UPP2: variants seen among roughly 807,000 people sequenced by gnomAD.
UPP2 encodes uridine phosphorylase 2.
Under a neutral mutation model 26.7 loss-of-function variants are expected in UPP2, and 23 were observed. The ratio of observed to expected loss-of-function variants is 0.86; its 90% confidence interval spans 0.62 to 1.22. UPP2 has a LOEUF of 1.22. Ranked by LOEUF, UPP2 falls within the 50% of genes most tolerant of loss-of-function variation. UPP2 has a pLI of 0.00. For missense variants in UPP2, 387 were observed against 396.7 expected (o/e 0.98, Z 0.21); for synonymous variants, 127 against 141.3 (o/e 0.90, Z 0.72).
chr2:158,001,957 CA>C (rs200818827), intron 2 of UPP2, among the ~76,000 whole-genome samples: 1,434 of 65,330 alleles, frequency 0.022, 3 homozygotes, highest in African/African-American at 0.058. Context: ...GAATGAGCAC[CA>C]AAAAAAAAAA....
chr2:158,009,689 A>T (rs1197425735), intron 2 of UPP2, among the ~76,000 whole-genome samples: 1 of 152,198 alleles, frequency 6.6e-6, no homozygotes, highest in Non-Finnish European at 1.5e-5. Context: ...CGCAGACTGG[A>T]CTGTGCCCTA....
intron 3 of UPP2, among the ~76,000 whole-genome samples, chr2:158,077,423 T>C (rs934166323): frequency 1.3e-5 from 2 of 152,086 alleles, no homozygotes; most frequent in African/African-American, 4.8e-5. Flanking sequence ...CAAAACAGCA[T>C]GGTACTGCCA....
intron 3 of UPP2, among the ~76,000 whole-genome samples, chr2:158,083,032 C>T (rs765394382): frequency 8.5e-5 from 13 of 152,066 alleles, no homozygotes; most frequent in Non-Finnish European, 1.5e-4. Flanking sequence ...GTTAGAATGG[C>T]GATTATTAAA....
At chr2:158,028,779 G>T (rs1489016698) in intron 3 of UPP2, among the ~76,000 whole-genome samples, 1 of 152,180 alleles carries the variant, frequency 6.6e-6, no homozygotes, top group Non-Finnish European at 1.5e-5. Flanking sequence ...GGAGGCAAAA[G>T]GCACTTCTTA....
chr2:158,120,707 G>A (rs1169337782), intron 4 of UPP2, among the ~76,000 whole-genome samples: 4 of 151,978 alleles, frequency 2.6e-5, no homozygotes, highest in African/African-American at 9.7e-5. Context: ...ACCTATCTGT[G>A]TTGCCTTTTA....
intron 3 of UPP2, among the ~76,000 whole-genome samples, chr2:158,068,637 G>A (rs990213109): frequency 1.4e-4 from 21 of 150,900 alleles, no homozygotes; most frequent in African/African-American, 5.1e-4. Flanking sequence ...AGGACCACAC[G>A]CTCAGATGCT....
chr2:158,114,492 C>G (rs942710427), intron 2 of UPP2, among the ~76,000 whole-genome samples: 12 of 152,280 alleles, frequency 7.9e-5, no homozygotes, highest in African/African-American at 2.9e-4. Flanking sequence ...AAAACAAAAA[C>G]AAAAATAAAT....
At chr2:158,114,374 T>TA (rs147460881) in intron 2 of UPP2, among the ~76,000 whole-genome samples, 3,723 of 152,312 alleles carry the variant, frequency 0.024, 125 homozygotes, top group African/African-American at 0.074. Context: ...AGGGTACCCC[T>TA]AAACAGACTG....
intron 3 of UPP2, among the ~76,000 whole-genome samples, chr2:158,035,456 G>A (rs1023430082): frequency 3.9e-5 from 6 of 152,148 alleles, no homozygotes; most frequent in African/African-American, 1.4e-4. Flanking sequence ...GCCCGGCCAA[G>A]GATCAGAATA....
chr2:158,067,443 G>C (rs982053441), intron 3 of UPP2, among the ~76,000 whole-genome samples: 3 of 151,466 alleles, frequency 2.0e-5, no homozygotes, highest in Admixed American at 2.0e-4. Flanking sequence ...TGAAGACAAA[G>C]AAAGACAAAT....
chr2:158,058,868 A>G (rs1285335853), intron 3 of UPP2, among the ~76,000 whole-genome samples: 1 of 152,194 alleles, frequency 6.6e-6, no homozygotes, highest in Non-Finnish European at 1.5e-5. Context: ...TGGGAAGCTG[A>G]GAGGGAGAAG....
chr2:158,078,997 TCCCATATA>T (rs1420688350), intron 3 of UPP2, among the ~76,000 whole-genome samples: 1 of 152,092 alleles, frequency 6.6e-6, no homozygotes, highest in Non-Finnish European at 1.5e-5. Flanking sequence ...GGGGGCAGTT[TCCCATATA>T]CTGTTTTCAT....
intron 3 of UPP2, among the ~76,000 whole-genome samples, chr2:158,071,908 G>A (rs13384407): frequency 4.6e-5 from 7 of 152,152 alleles, no homozygotes; most frequent in East Asian, 3.9e-4. Flanking sequence ...CAGCTGCAGC[G>A]ACTACTATGA....
intron 3 of UPP2, among the ~76,000 whole-genome samples, chr2:158,017,082 A>C (rs924002288): frequency 6.6e-6 from 1 of 152,194 alleles, no homozygotes; most frequent in Non-Finnish European, 1.5e-5. Context: ...TGACATTTTA[A>C]ATAAACTTTA....
intron 2 of UPP2, among the ~76,000 whole-genome samples, chr2:158,110,641 A>G (rs1271026662): frequency 3.3e-5 from 5 of 152,156 alleles, no homozygotes; most frequent in Admixed American, 1.3e-4. Flanking sequence ...ACAGTGTAAA[A>G]GTGTTCCTAT....
chr2:158,105,035 GGGA>G (rs1558932281), intron 1 of UPP2, among the ~76,000 whole-genome samples: 1 of 69,350 alleles, frequency 1.4e-5, no homozygotes, highest in Non-Finnish European at 2.9e-5. Context: ...GGGAGGGGAG[GGGA>G]GGGGAGGGGG....
At chr2:158,079,991 C>T (rs1327247125) in intron 3 of UPP2, among the ~76,000 whole-genome samples, 1 of 152,114 alleles carries the variant, frequency 6.6e-6, no homozygotes, top group African/African-American at 2.4e-5. Flanking sequence ...AAGAGTCTTG[C>T]TTAGATCCAC....
intron 6 of UPP2, among the ~76,000 whole-genome samples, chr2:158,125,116 G>A (rs1683664912): frequency 6.6e-6 from 1 of 152,126 alleles, no homozygotes. Context: ...AGGGAAGTGT[G>A]GCATCCTGAT....
intron 2 of UPP2, among the ~76,000 whole-genome samples, chr2:158,004,393 GAA>G (rs5835684): frequency 5.5e-5 from 8 of 144,964 alleles, no homozygotes; most frequent in African/African-American, 2.0e-4. Flanking sequence ...GAGAGAATAA[GAA>G]AAAAAAAAAT....
Sources: gnomAD v4.1 joint callset for allele counts (sites outside exome capture counted in the v4.1 genomes callset) on GRCh38, gnomAD v4.1.1 for gene constraint, MANE v1.5 for transcripts, NCBI Gene and HGNC (gene_info 2026-07-23, HGNC 2026-07-21) for gene names.